Variants in PRR16 observed in about 807,000 individuals in gnomAD.
The protein encoded by PRR16 is protein Largen.
In PRR16, 6 loss-of-function variants were observed where a neutral mutation model predicts 18.2. The observed-to-expected ratio is 0.33, with a 90% CI of 0.18 to 0.65. PRR16 has a LOEUF of 0.65. PRR16 is among the 30% of genes least tolerant of loss of function. The pLI is 0.74. For synonymous variants in PRR16, 151 were observed against 147.8 expected, an observed-to-expected ratio of 1.02 and a Z score of -0.16; for missense variants, 412 against 376.6, an observed-to-expected ratio of 1.09 and a Z score of -0.78.
chr5:120,732,467 A>AT, the PRR16 span, among the ~76,000 whole-genome samples: 1 of 152,022 alleles, frequency 6.6e-6, no homozygotes, highest in African/African-American at 2.4e-5. Context: ...CTATCACTTG[A>AT]TTTTTTTCCC....
intron 1 of PRR16, among the ~76,000 whole-genome samples, chr5:120,685,572 G>C (rs547304148): frequency 6.6e-6 from 1 of 152,146 alleles, no homozygotes; most frequent in South Asian, 2.1e-4. Context: ...TTAATTTCAA[G>C]ATTGGAAGCA....
chr5:120,752,684 A>T, the PRR16 span, among the ~76,000 whole-genome samples: 11 of 152,012 alleles, frequency 7.2e-5, no homozygotes, highest in Non-Finnish European at 2.9e-5. Context: ...TTTCTTTTAT[A>T]TCTAGCTCAG....
At chr5:120,754,639 A>ATAT in the PRR16 span, among the ~76,000 whole-genome samples, 11,546 of 126,816 alleles carry the variant, frequency 0.091, 817 homozygotes, top group African/African-American at 0.16. Context: ...ATAATATATA[A>ATAT]AGTATTTATA....
chr5:120,517,449 G>GT (rs1323873537), intron 1 of PRR16, among the ~76,000 whole-genome samples: 1 of 151,734 alleles, frequency 6.6e-6, no homozygotes, highest in Admixed American at 6.6e-5. Context: ...GGAGACATAT[G>GT]TTTTTTTAAA....
chr5:120,668,686 A>C (rs1232137774), intron 1 of PRR16, among the ~76,000 whole-genome samples: 2 of 152,064 alleles, frequency 1.3e-5, no homozygotes, highest in Non-Finnish European at 2.9e-5. Flanking sequence ...CTTGTCTGTA[A>C]AGTATTTTAT....
intron 1 of PRR16, among the ~76,000 whole-genome samples, chr5:120,643,869 G>A (rs920436405): frequency 1.3e-5 from 2 of 152,152 alleles, no homozygotes; most frequent in African/African-American, 2.4e-5. Context: ...GCCCGGCATG[G>A]TGGTGGGTGT....
At position 120,552,780 on chromosome 5, in the gene PRR16, G is replaced by A. The variant is rs529792120; in HGVS notation, c.159+88135G>A. Among the ~76,000 whole-genome samples, 8 of 151,986 alleles carry A rather than the reference G, an allele frequency of 5.3e-5. No individual in the cohort carries two copies. In the South Asian group the frequency reaches 1.7e-3, roughly 32 times the overall value. On this transcript the variant is annotated intron_variant, in intron 1 of 1. Transcript: ENST00000407149. ...AAAATTTTGCCGATGAAATCTTTGA[G>A]AACATCATGACTGTTGTTTTTGTTT...
At chr5:120,645,382 AT>A (rs1755555352) in intron 1 of PRR16, among the ~76,000 whole-genome samples, 2 of 92,938 alleles carry the variant, frequency 2.2e-5, no homozygotes, top group Non-Finnish European at 2.2e-5. Flanking sequence ...ATACCCACCC[AT>A]CCCCCCCCCA....
chr5:120,757,009 G>A, the PRR16 span, among the ~76,000 whole-genome samples: 1 of 151,966 alleles, frequency 6.6e-6, no homozygotes, highest in East Asian at 1.9e-4. Flanking sequence ...CACGTAGGTA[G>A]GGGGTCCAGT....
In PRR16 at chr5:120,539,086, A is replaced by C. The variant is rs1033080448; in HGVS notation, c.159+74441A>C. On this transcript the variant is annotated intron_variant, in intron 1 of 1. Transcript: ENST00000407149. Reference sequence around the variant, plus strand: ...GGAGTGGCTCAGTATGGCTGTTAGCATTTTGTGAAATTTCTGACAGGCAAC... The same window carrying C: ...GGAGTGGCTCAGTATGGCTGTTAGCCTTTTGTGAAATTTCTGACAGGCAAC... 5.3e-5 allele frequency among the ~76,000 whole-genome samples: 8 copies of C among 152,154 alleles called. No individual in the cohort carries two copies. In the South Asian group the frequency reaches 1.7e-3, roughly 31 times the overall value.
chr5:120,507,538 A>G (rs1750685800), intron 1 of PRR16, among the ~76,000 whole-genome samples: 1 of 152,098 alleles, frequency 6.6e-6, no homozygotes, highest in Admixed American at 6.6e-5. Context: ...CTTCAGGATT[A>G]ATAGTAAGGA....
At chr5:120,700,727 T>G in the PRR16 span, among the ~76,000 whole-genome samples, 12 of 151,982 alleles carry the variant, frequency 7.9e-5, no homozygotes, top group Non-Finnish European at 2.9e-5. Flanking sequence ...AAGAAAGTAA[T>G]GTGGAGTGGG....
intron 1 of PRR16, among the ~76,000 whole-genome samples, chr5:120,580,985 T>TTG (rs930742437): frequency 7.3e-4 from 111 of 152,200 alleles, no homozygotes; most frequent in African/African-American, 2.7e-3. Context: ...CTGAAGTATT[T>TTG]TGTGTGTGTG....
At chr5:120,769,282 C>A in the PRR16 span, among the ~76,000 whole-genome samples, 1 of 151,612 alleles carries the variant, frequency 6.6e-6, no homozygotes, top group Non-Finnish European at 1.5e-5. Flanking sequence ...ACTATGATAC[C>A]ATCACCAGTA....
At chr5:120,742,280 G>GTTT in the PRR16 span, among the ~76,000 whole-genome samples, 2 of 140,524 alleles carry the variant, frequency 1.4e-5, no homozygotes, top group Admixed American at 7.0e-5. Context: ...TTACTTGTGG[G>GTTT]TTTTTTTTTT....
rs745661335 is a variant in PRR16, at chr5:120,667,351, C to G, written c.160-18603C>G. Among the ~76,000 whole-genome samples, 267 of 151,418 alleles carry G rather than the reference C, an allele frequency of 1.8e-3. 1 individual carries two copies. Among genetic ancestry groups the G allele is most frequent in the Non-Finnish European group, 3.3e-3 (225 of 67,804 alleles). On this transcript the variant is annotated intron_variant, in intron 1 of 1. Coordinates refer to ENST00000407149, the MANE Select transcript of PRR16 (RefSeq NM_001300783.2). ...CTATTTGATTCTTCTCTCTTTTTTT[C>G]TTTATTAGTCTTGCTAGTGGTCTAT...
chr5:120,475,356 C>A (rs145791164), intron 1 of PRR16, among the ~76,000 whole-genome samples: 2,706 of 152,214 alleles, frequency 0.018, 85 homozygotes, highest in African/African-American at 0.061. Context: ...CTTTAAATCA[C>A]GTCTCTTTTT....
intron 1 of PRR16, among the ~76,000 whole-genome samples, chr5:120,503,101 A>C (rs1426686228): frequency 6.6e-6 from 1 of 152,208 alleles, no homozygotes; most frequent in Non-Finnish European, 1.5e-5. Flanking sequence ...AGACATTGAA[A>C]GCCCTTCAAT....
At chr5:120,556,880 C>T (rs1170876683) in intron 1 of PRR16, among the ~76,000 whole-genome samples, 2 of 151,194 alleles carry the variant, frequency 1.3e-5, no homozygotes, top group Admixed American at 1.3e-4. Flanking sequence ...CAGTATTAAA[C>T]AACTTTCTTT....
Sources: allele counts gnomAD v4.1 joint callset (sites outside exome capture counted in the v4.1 genomes callset), GRCh38; gene constraint gnomAD v4.1.1; transcripts MANE v1.5; gene names NCBI Gene and HGNC (gene_info 2026-07-23, HGNC 2026-07-21).